The following SRGAP2C variants were observed in gnomAD, a reference collection of about 807,000 sequenced individuals.
The protein encoded by SRGAP2C is SLIT-ROBO Rho GTPase-activating protein 2C.
SRGAP2C carries 15 observed loss-of-function variants against 25.1 expected under a neutral mutation model. The ratio of observed to expected loss-of-function variants is 0.60; its 90% confidence interval spans 0.40 to 0.92. The LOEUF is 0.92. Ranked by LOEUF, SRGAP2C falls within the 40% of genes least tolerant of loss-of-function variation. SRGAP2C has a pLI of 0.00. For synonymous variants in SRGAP2C, 44 were observed against 96.6 expected, an observed-to-expected ratio of 0.46 and a Z score of 3.19; for missense variants, 144 against 264.4, an observed-to-expected ratio of 0.54 and a Z score of 3.16.
intron 2 of SRGAP2C, among the ~76,000 whole-genome samples, chr1:121,228,993 T>C: frequency 1.3e-5 from 2 of 151,694 alleles, no homozygotes; most frequent in East Asian, 3.9e-4. Flanking sequence ...ACTCATAACA[T>C]CCCTGTTAAG....
At chr1:121,375,011 G>C (rs189695835) in intron 7 of SRGAP2C, 57 bp downstream of exon 7, 13 of 746,630 alleles carry the variant, frequency 1.7e-5, no homozygotes, top group Non-Finnish European at 2.8e-5. Flanking sequence ...CAGAATACTC[G>C]TCAGACATTC....
chr1:121,336,200 G>A (rs1403737033), intron 4 of SRGAP2C, among the ~76,000 whole-genome samples: 19 of 151,878 alleles, frequency 1.3e-4, no homozygotes, highest in African/African-American at 4.6e-4. Context: ...TGGGCTGAGG[G>A]GGTTCCTAGG....
intron 3 of SRGAP2C, among the ~76,000 whole-genome samples, chr1:121,308,285 A>G (rs1255241915): frequency 3.4e-5 from 5 of 147,368 alleles, no homozygotes; most frequent in East Asian, 2.1e-4. Flanking sequence ...CACTCAGAAA[A>G]TGACAGGCTT....
chr1:121,257,479 TCCC>T (rs1656501416), intron 2 of SRGAP2C, among the ~76,000 whole-genome samples: 1 of 86,622 alleles, frequency 1.2e-5, no homozygotes, highest in African/African-American at 4.7e-5. Context: ...CCTATGTCCA[TCCC>T]CAATATCCCT....
intron 3 of SRGAP2C, among the ~76,000 whole-genome samples, chr1:121,307,371 C>T (rs1254068974): frequency 6.6e-6 from 1 of 151,636 alleles, no homozygotes; most frequent in Non-Finnish European, 1.5e-5. Flanking sequence ...TGGGTTGAAT[C>T]CCACAGTTTG....
At chr1:121,366,700 C>T (rs587656956) in intron 5 of SRGAP2C, among the ~76,000 whole-genome samples, 110 of 151,792 alleles carry the variant, frequency 7.2e-4, no homozygotes, top group African/African-American at 2.3e-3. Context: ...ACTCCTTTCT[C>T]CTAGCAGAGA....
At chr1:121,289,062 G>A (rs1553337240) in intron 3 of SRGAP2C, among the ~76,000 whole-genome samples, 7 of 144,784 alleles carry the variant, frequency 4.8e-5, no homozygotes, top group African/African-American at 1.8e-4. Flanking sequence ...CCCGCACCGG[G>A]GCTGCAGGTG....
chr1:121,366,321 A>G (rs2772083), intron 5 of SRGAP2C, among the ~76,000 whole-genome samples: 37,510 of 85,716 alleles, frequency 0.44, 8,666 homozygotes, highest in East Asian at 0.7. Context: ...ACAGGCAGTG[A>G]TGACATGCAT....
intron 2 of SRGAP2C, among the ~76,000 whole-genome samples, chr1:121,207,601 T>G (rs1553322747): frequency 6.6e-6 from 1 of 152,136 alleles, no homozygotes; most frequent in African/African-American, 2.4e-5. Context: ...AACTTTGGAA[T>G]GGGGAGATGG....
At chr1:121,231,706 G>C (rs1655825061) in intron 2 of SRGAP2C, among the ~76,000 whole-genome samples, 1 of 147,720 alleles carries the variant, frequency 6.8e-6, no homozygotes, top group East Asian at 2.0e-4. Context: ...CCTAGAGAAA[G>C]TAAGTGAATT....
intron 4 of SRGAP2C, among the ~76,000 whole-genome samples, chr1:121,339,428 GT>G (rs1265745037): frequency 5.9e-4 from 88 of 148,886 alleles, no homozygotes; most frequent in African/African-American, 2.0e-3. Flanking sequence ...AGTTTTTTGT[GT>G]TTTTTTAGTA....
intron 2 of SRGAP2C, among the ~76,000 whole-genome samples, chr1:121,208,916 G>T (rs1245641539): frequency 6.7e-6 from 1 of 149,570 alleles, no homozygotes; most frequent in African/African-American, 2.5e-5. Context: ...ATAAGGGAAA[G>T]ACCTATTTAC....
In SRGAP2C at chr1:121,390,527, T is replaced by G. The variant is rs2101688280; in HGVS notation, c.*2672T>G. The G allele has an allele frequency of 1.4e-5, 1 of 73,426 alleles. No individual in the cohort carries two copies. Among genetic ancestry groups the G allele is most frequent in the Non-Finnish European group, 2.7e-5 (1 of 37,414 alleles). 4.5% of individuals were successfully genotyped at this position (73,426 alleles called of 1,614,324 possible). ...CAGCCTCTTGTCACAGCTTGACTCCTAGGTAGTGTGCCTAGTGACCAAGAG... is the reference window on the plus strand; with the variant it reads ...CAGCCTCTTGTCACAGCTTGACTCCGAGGTAGTGTGCCTAGTGACCAAGAG... On this transcript the variant is annotated 3_prime_UTR_variant, in exon 10 of 10. Transcript: ENST00000367123.
intron 2 of SRGAP2C, among the ~76,000 whole-genome samples, chr1:121,257,262 C>T (rs587725584): frequency 1.2e-4 from 18 of 144,342 alleles, no homozygotes; most frequent in East Asian, 4.1e-4. Flanking sequence ...ACTACAGGCA[C>T]GCATCGCCAT....
intron 3 of SRGAP2C, among the ~76,000 whole-genome samples, chr1:121,308,563 C>A (rs1208237681): frequency 1.3e-5 from 2 of 150,662 alleles, no homozygotes; most frequent in African/African-American, 2.4e-5. Flanking sequence ...ATTGCTTGAG[C>A]CCAGGAGTTT....
chr1:121,323,246 T>C (rs1382459140), intron 3 of SRGAP2C, among the ~76,000 whole-genome samples: 5 of 149,488 alleles, frequency 3.3e-5, no homozygotes, highest in African/African-American at 1.2e-4. Flanking sequence ...CTTCCAAATG[T>C]AGAACTTTCT....
intron 2 of SRGAP2C, among the ~76,000 whole-genome samples, chr1:121,200,095 TACA>T (rs1654941784): frequency 6.6e-6 from 1 of 150,408 alleles, no homozygotes; most frequent in Non-Finnish European, 1.5e-5. Context: ...TTGATGGGCC[TACA>T]GGTGAACTTG....
intron 2 of SRGAP2C, among the ~76,000 whole-genome samples, chr1:121,224,663 G>A (rs1460432997): frequency 7.5e-6 from 1 of 133,486 alleles, no homozygotes; most frequent in Non-Finnish European, 1.6e-5. Context: ...TTCAGAGAGG[G>A]AGCCTGTGGC....
At chr1:121,354,274 CTTTCTTTCTTT>C (rs1658996464) in intron 4 of SRGAP2C, among the ~76,000 whole-genome samples, 1 of 32,568 alleles carries the variant, frequency 3.1e-5, no homozygotes, top group African/African-American at 1.1e-4. Flanking sequence ...TTCTTTCTTT[CTTTCTTTCTTT>C]CTTTCTTTCT....
Sources: allele counts gnomAD v4.1 joint callset (sites outside exome capture counted in the v4.1 genomes callset), GRCh38; gene constraint gnomAD v4.1.1; transcripts MANE v1.5; gene names NCBI Gene and HGNC (gene_info 2026-07-23, HGNC 2026-07-21).